The following STOML3 variants were observed in gnomAD, a reference collection of about 807,000 sequenced individuals.
The protein encoded by STOML3 is stomatin-like protein 3.
Under a neutral mutation model 29.5 loss-of-function variants are expected in STOML3, and 31 were observed. The observed-to-expected ratio is 1.05, with a 90% CI of 0.79 to 1.42. The LOEUF is 1.42. Among genes scored for constraint, STOML3 ranks in the 40% most tolerant of loss-of-function variants. STOML3 has a pLI of 0.00. For missense variants in STOML3, 380 were observed against 363.0 expected, an observed-to-expected ratio of 1.05 and a Z score of -0.38; for synonymous variants, 122 against 139.8, an observed-to-expected ratio of 0.87 and a Z score of 0.90.
chr13:38,990,560 C>T lies in STOML3; in HGVS notation c.52+110G>A, dbSNP rs374834494. 455 of 1,052,298 alleles carry T rather than the reference C, an allele frequency of 4.3e-4. 9 individuals carry two copies. In the South Asian group the frequency reaches 9.7e-3, roughly 22 times the overall value. 65.2% of individuals were successfully genotyped at this position (1,052,298 alleles called of 1,614,324 possible). ...CCTGGGCTATAAATGAAATTGAGGC[C>T]GATTTCTGCAAATATATCTCATACT... On this transcript the variant is annotated intron_variant, in intron 1 of 6. Transcript: ENST00000379631.
At chr13:38,968,594 T>C in intron 5 of STOML3, 60 bp from the exon 6 acceptor site, 1 of 1,590,958 alleles carries the variant, frequency 6.3e-7, no homozygotes, top group Non-Finnish European at 8.6e-7. Flanking sequence ...TGTATGTTTC[T>C]GATATGTTTT....
At chr13:38,971,205 G>C (rs779086425) in intron 4 of STOML3, among the ~76,000 whole-genome samples, 2 of 152,042 alleles carry the variant, frequency 1.3e-5, no homozygotes, top group Non-Finnish European at 2.9e-5. Context: ...GCTAATTTTT[G>C]TATTTTTAGT....
chr13:38,976,663 A>G, intron 2 of STOML3, 31 bp downstream of exon 2: 1 of 1,613,958 alleles, frequency 6.2e-7, no homozygotes, highest in Non-Finnish European at 8.5e-7. Flanking sequence ...CAGTTCATAT[A>G]GATAGCCCAG....
chr13:38,980,466 A>G (rs1034010530), intron 1 of STOML3, among the ~76,000 whole-genome samples: 3 of 152,218 alleles, frequency 2.0e-5, no homozygotes, highest in African/African-American at 7.2e-5. Flanking sequence ...ATATGCTGGG[A>G]TTGTATTATT....
intron 6 of STOML3, among the ~76,000 whole-genome samples, chr13:38,968,030 G>A (rs529079558): frequency 1.3e-5 from 2 of 152,222 alleles, no homozygotes; most frequent in East Asian, 3.9e-4. Context: ...GAAAATAGAG[G>A]TTTCTTAGCC....
At position 38,972,532 on chromosome 13, in the gene STOML3, A is replaced by T; in HGVS notation, c.292T>A (p.Cys98Ser). 1 of 1,614,040 alleles carries T rather than the reference A, an allele frequency of 6.2e-7. No individual in the cohort carries two copies. The highest frequency in any genetic ancestry group is 1.1e-5 in the South Asian group (1 of 91,084). The stretch of plus-strand genomic sequence containing the variant: ...ACTACCTCTTGTGGAGGAATGTTGC[A>T]AGTAACTGTTCGGAGGTCAACTTTG... The part of the protein sequence containing the change: ...FVKVDLRTVT[C>S]NIPPQEILTR... The change falls in exon 4 of 7, where the codon TGC (cysteine) becomes AGC (serine). Residue 98 changes from cysteine to serine, a missense_variant. Transcript: ENST00000379631.
chr13:38,982,380 C>G (rs1232840889), intron 1 of STOML3, among the ~76,000 whole-genome samples: 3 of 151,842 alleles, frequency 2.0e-5, no homozygotes, highest in African/African-American at 7.3e-5. Context: ...TAAACTCTTT[C>G]TCTGCCTCTT....
intron 4 of STOML3, 117 bp downstream of exon 4, chr13:38,972,395 G>A (rs570790209): frequency 9.1e-5 from 86 of 941,478 alleles, no homozygotes; most frequent in Non-Finnish European, 1.2e-4. Context: ...GGTCTCTGCG[G>A]GTACTCAGCT....
chr13:38,987,848 A>C lies in STOML3; in HGVS notation c.52+2822T>G, dbSNP rs1246181526. On this transcript the variant is annotated intron_variant, in intron 1 of 6. Coordinates refer to ENST00000379631, the MANE Select transcript of STOML3 (RefSeq NM_145286.3). Reference sequence around the variant, plus strand: ...TTATATAATATATTATATTTTATATAATATATTATATGTTATATATAATAT... The same window carrying C: ...TTATATAATATATTATATTTTATATCATATATTATATGTTATATATAATAT... Among the ~76,000 whole-genome samples, 8 of 99,122 alleles carry C rather than the reference A, an allele frequency of 8.1e-5. 1 individual carries two copies. The highest frequency in any genetic ancestry group is 2.7e-4 in the East Asian group (1 of 3,682). The allele number at this position is 99,122 out of a possible 152,430, so 65.0% of individuals were successfully genotyped here. A position where few individuals can be genotyped will look rare whatever the true frequency, so the allele number is the denominator to read the frequency against.
At chr13:38,971,897 C>T (rs1880882081) in intron 4 of STOML3, among the ~76,000 whole-genome samples, 1 of 152,046 alleles carries the variant, frequency 6.6e-6, no homozygotes, top group Non-Finnish European at 1.5e-5. Flanking sequence ...TGCACTCCAG[C>T]CTGGGCGACA....
In STOML3 at chr13:38,976,739, C is replaced by G. The variant is rs1345303726; in HGVS notation, c.111G>C (p.Leu37=). ...AGATGGGGAAGGTAATGATCACCAA[C>G]AGGAAAGAGAGGGAAAACAGGATCC... ...CGWILFSLSF[L]LVIITFPISI... Residue 37 remains leucine (L), a synonymous_variant, in exon 2 of 7, where the codon CTG becomes CTC. Coordinates refer to ENST00000379631, the MANE Select transcript of STOML3 (RefSeq NM_145286.3). The G allele has an allele frequency of 1.9e-6, 3 of 1,613,882 alleles. No homozygotes were observed. The African/African-American group carries it at 4.0e-5, about 22-fold the overall frequency.
chr13:38,967,248 G>A (rs547053003), intron 6 of STOML3, among the ~76,000 whole-genome samples, 199 bp from the exon 7 acceptor site: 1 of 152,034 alleles, frequency 6.6e-6, no homozygotes. Flanking sequence ...AGCAAGGAGG[G>A]ATATTGTACA....
At chr13:38,970,483 A>G in intron 4 of STOML3, 95 bp from the exon 5 acceptor site, 1 of 1,046,194 alleles carries the variant, frequency 9.6e-7, no homozygotes, top group Non-Finnish European at 1.4e-6. Flanking sequence ...CCACAGAAGG[A>G]GAGCAGTAAC....
intron 1 of STOML3, among the ~76,000 whole-genome samples, chr13:38,983,993 G>C (rs905816687): frequency 6.6e-5 from 10 of 152,036 alleles, no homozygotes; most frequent in Admixed American, 6.6e-4. Flanking sequence ...GTCCCTTTGA[G>C]CATCCTTCTT....
In STOML3 at chr13:38,966,989, G is replaced by A; in HGVS notation, c.712C>T (p.Leu238=). Reference sequence around the variant, plus strand: ...TGGAGAGCTATGGGAGACTCAGCCAGCACCATGGAGGCTGACTTCAGGGAT... The same window carrying A: ...TGGAGAGCTATGGGAGACTCAGCCAACACCATGGAGGCTGACTTCAGGGAT... ...SKSLKSASMV[L]AESPIALQLR... The change falls in exon 7 of 7, where the codon CTG becomes TTG. Residue 238 remains leucine (L), a synonymous_variant. Coordinates refer to ENST00000379631, the MANE Select transcript of STOML3 (RefSeq NM_145286.3). 6.2e-7 allele frequency: 1 copy of A among 1,614,058 alleles called. No homozygotes were observed. The highest frequency in any genetic ancestry group is 1.3e-5 in the African/African-American group (1 of 75,008).
intron 6 of STOML3, 116 bp downstream of exon 6, chr13:38,968,284 A>C: frequency 7.0e-7 from 1 of 1,428,598 alleles, no homozygotes; most frequent in East Asian, 2.3e-5. Flanking sequence ...AACTGTGAAA[A>C]GAAACCCCTT....
chr13:38,970,691 C>T (rs969865393), intron 4 of STOML3, among the ~76,000 whole-genome samples: 8 of 152,158 alleles, frequency 5.3e-5, no homozygotes, highest in Non-Finnish European at 1.0e-4. Context: ...GTTAACAGTA[C>T]AGCCCTTGTG....
At chr13:38,975,365 G>A (rs1358973676) in intron 3 of STOML3, among the ~76,000 whole-genome samples, 4 of 151,208 alleles carry the variant, frequency 2.6e-5, no homozygotes, top group African/African-American at 9.7e-5. Flanking sequence ...AAGCCAAGAA[G>A]CCTCCTTCAC....
At chr13:38,976,968 A>G (rs1360937795) in intron 1 of STOML3, among the ~76,000 whole-genome samples, 171 bp from the exon 2 acceptor site, 1 of 152,220 alleles carries the variant, frequency 6.6e-6, no homozygotes, top group East Asian at 1.9e-4. Flanking sequence ...CATACATTCA[A>G]ATGTTTATTC....
Sources: gnomAD v4.1 joint callset for allele counts (sites outside exome capture counted in the v4.1 genomes callset) on GRCh38, gnomAD v4.1.1 for gene constraint, MANE v1.5 for transcripts, NCBI Gene and HGNC (gene_info 2026-07-23, HGNC 2026-07-21) for gene names.